The following RBM47 variants were observed in gnomAD, a reference collection of about 807,000 sequenced individuals.
The protein encoded by RBM47 is RNA-binding protein 47.
Under a neutral mutation model 47.1 loss-of-function variants are expected in RBM47, and 21 were observed. The ratio of observed to expected loss-of-function variants is 0.45; its 90% CI spans 0.32 to 0.64. The LOEUF (loss-of-function observed/expected upper bound fraction) is 0.64. Among genes scored for constraint, RBM47 ranks in the 30% least tolerant of loss-of-function variants. The pLI, the probability that RBM47 is intolerant of heterozygous loss-of-function variation, is 0.05. For missense variants in RBM47, 708 were observed against 870.9 expected (o/e 0.81, Z 2.35); for synonymous variants, 375 against 361.7 (o/e 1.04, Z -0.42).
intron 2 of RBM47, among the ~76,000 whole-genome samples, chr4:40,504,294 T>C (rs1318608607): frequency 6.7e-6 from 1 of 149,310 alleles, no homozygotes; most frequent in Non-Finnish European, 1.5e-5. Flanking sequence ...TTCCTTCTTT[T>C]TTTTTTTTTT....
At chr4:40,554,141 G>C (rs1729844747) in intron 1 of RBM47, among the ~76,000 whole-genome samples, 1 of 152,074 alleles carries the variant, frequency 6.6e-6, no homozygotes, top group South Asian at 2.1e-4. Context: ...ATTGCGCCCA[G>C]GGAACGAATG....
intron 1 of RBM47, among the ~76,000 whole-genome samples, chr4:40,552,966 T>C (rs1273135923): frequency 6.6e-6 from 1 of 151,084 alleles, no homozygotes; most frequent in African/African-American, 2.5e-5. Flanking sequence ...AACTTTCTTT[T>C]CTTTTTTCTT....
In RBM47 at chr4:40,577,836, A is replaced by G. The variant is rs566289049; in HGVS notation, c.-239-33330T>C. ...TGTGTTACTCCCTGGTGAAGAAACCAACAAACTGTCCAATAAAAATTACAG... is the reference window on the plus strand; with the variant it reads ...TGTGTTACTCCCTGGTGAAGAAACCGACAAACTGTCCAATAAAAATTACAG... On this transcript the variant is annotated intron_variant, in intron 1 of 6. Transcript: ENST00000295971. 1.7e-4 allele frequency among the ~76,000 whole-genome samples: 26 copies of G among 152,312 alleles called. No homozygotes were observed. The East Asian group carries it at 4.0e-3, about 24-fold the overall frequency.
At position 40,598,367 on chromosome 4, in the gene RBM47, C is replaced by A. The variant is rs573922036; in HGVS notation, c.-240+31029G>T. ...GCTCAAGCCATCCTCCCACCACAGC[C>A]TCCTGAGTAGCTGGGACCACAGGTG... On this transcript the variant is annotated intron_variant, in intron 1 of 6. Coordinates refer to ENST00000295971, the MANE Select transcript of RBM47 (RefSeq NM_001098634.2). Among the ~76,000 whole-genome samples, 42 of 152,276 alleles carry A rather than the reference C, an allele frequency of 2.8e-4. 2 individuals are homozygous for A. In the South Asian group the frequency reaches 8.7e-3, roughly 32 times the overall value.
chr4:40,611,981 T>C (rs1379472967), intron 1 of RBM47, among the ~76,000 whole-genome samples: 1 of 152,154 alleles, frequency 6.6e-6, no homozygotes, highest in African/African-American at 2.4e-5. Context: ...TCAGGCCTCT[T>C]CAGAACAGAA....
chr4:40,592,800 C>G (rs956668120), intron 1 of RBM47, among the ~76,000 whole-genome samples: 1 of 150,792 alleles, frequency 6.6e-6, no homozygotes, highest in Non-Finnish European at 1.5e-5. Context: ...CTCAGGCAAT[C>G]TGCCTGCCTT....
At chr4:40,500,408 C>G (rs993372659) in intron 2 of RBM47, among the ~76,000 whole-genome samples, 1 of 151,906 alleles carries the variant, frequency 6.6e-6, no homozygotes, top group South Asian at 2.1e-4. Flanking sequence ...ATCCAGGAGT[C>G]GAGACCAGCC....
intron 1 of RBM47, among the ~76,000 whole-genome samples, chr4:40,595,221 C>T (rs1734637395): frequency 6.6e-6 from 1 of 152,346 alleles, no homozygotes; most frequent in East Asian, 1.9e-4. Flanking sequence ...AAGGGCTGGG[C>T]ATGGTGGCTC....
chr4:40,508,018 A>C (rs1248541225), intron 2 of RBM47, among the ~76,000 whole-genome samples: 1 of 152,192 alleles, frequency 6.6e-6, no homozygotes, highest in Admixed American at 6.5e-5. Context: ...GTGAGCCGAG[A>C]TCACCCCACT....
intron 1 of RBM47, among the ~76,000 whole-genome samples, chr4:40,569,269 C>T (rs961781838): frequency 1.3e-5 from 2 of 151,892 alleles, no homozygotes; most frequent in African/African-American, 4.8e-5. Flanking sequence ...AACAACTACG[C>T]TTATTATACA....
chr4:40,460,921 AAAG>A (rs1392158145), intron 3 of RBM47, among the ~76,000 whole-genome samples: 1 of 151,564 alleles, frequency 6.6e-6, no homozygotes, highest in East Asian at 1.9e-4. Context: ...ATACTTATTA[AAAG>A]AAGAAGGAAG....
Position 40,495,886 on chromosome 4 carries a change from G to A in RBM47, c.-154-29187C>T, listed in dbSNP as rs75728033. ...GTAGAAGCTAACAGAATACCCTCAC[G>A]TTCGTGGAGAGAACCTTTTTCACTG... On this transcript the variant is annotated intron_variant, in intron 2 of 6. Transcript: ENST00000295971. Among the ~76,000 whole-genome samples, 63 of 152,210 alleles carry A rather than the reference G, an allele frequency of 4.1e-4. No individual in the cohort carries two copies. The East Asian group carries it at 0.011, about 27-fold the overall frequency.
chr4:40,452,796 A>T (rs1715638752), intron 3 of RBM47, among the ~76,000 whole-genome samples: 1 of 151,846 alleles, frequency 6.6e-6, no homozygotes, highest in African/African-American at 2.4e-5. Context: ...CACTTAAAAG[A>T]CAATAAATAT....
At chr4:40,600,121 A>C (rs1472944510) in intron 1 of RBM47, among the ~76,000 whole-genome samples, 1 of 150,900 alleles carries the variant, frequency 6.6e-6, no homozygotes, top group Non-Finnish European at 1.5e-5. Flanking sequence ...TGATCCTCCC[A>C]CCTCAGCCTC....
At chr4:40,618,808 C>CAAA (rs35543412) in intron 1 of RBM47, among the ~76,000 whole-genome samples, 317 of 27,520 alleles carry the variant, frequency 0.012, 13 homozygotes, top group Non-Finnish European at 0.013. Flanking sequence ...GACTCCATCT[C>CAAA]AAAAAAAAAA....
At chr4:40,548,637 A>G (rs1729251285) in intron 1 of RBM47, among the ~76,000 whole-genome samples, 1 of 152,146 alleles carries the variant, frequency 6.6e-6, no homozygotes, top group African/African-American at 2.4e-5. Flanking sequence ...GTAGGGAAAG[A>G]GAAGCCCTGG....
chr4:40,492,673 A>G (rs904816050), intron 2 of RBM47, among the ~76,000 whole-genome samples: 1 of 152,144 alleles, frequency 6.6e-6, no homozygotes, highest in African/African-American at 2.4e-5. Flanking sequence ...TTATGTCCCA[A>G]TGGCTGCCTG....
intron 3 of RBM47, among the ~76,000 whole-genome samples, chr4:40,443,542 A>AC (rs1165084147): frequency 6.6e-6 from 1 of 151,602 alleles, no homozygotes; most frequent in Non-Finnish European, 1.5e-5. Context: ...ACATGGAGAA[A>AC]CCCCATCTCT....
intron 1 of RBM47, among the ~76,000 whole-genome samples, chr4:40,563,181 A>C (rs1274383568): frequency 6.6e-6 from 1 of 152,150 alleles, no homozygotes; most frequent in Admixed American, 6.5e-5. Flanking sequence ...ACAGAGCAAG[A>C]CTCCATCTCA....
Sources: allele counts gnomAD v4.1 joint callset (sites outside exome capture counted in the v4.1 genomes callset), GRCh38; gene constraint gnomAD v4.1.1; transcripts MANE v1.5; gene names NCBI Gene and HGNC (gene_info 2026-07-23, HGNC 2026-07-21).